Variants in THSD7A observed in about 807,000 individuals in gnomAD.
THSD7A encodes thrombospondin type 1 domain containing 7A.
In THSD7A, 96 loss-of-function variants were observed where a neutral mutation model predicts 231.3. The observed-to-expected ratio is 0.41, with a 90% CI of 0.35 to 0.49. The LOEUF (loss-of-function observed/expected upper bound fraction) is 0.49. Ranked by LOEUF, THSD7A falls within the 20% of genes least tolerant of loss-of-function variation. THSD7A has a pLI of 0.05. For missense variants in THSD7A, 2,290 were observed against 2,070.2 expected (o/e 1.11, Z -2.06); for synonymous variants, 940 against 743.3 (o/e 1.26, Z -4.30).
intron 6 of THSD7A, among the ~76,000 whole-genome samples, chr7:11,484,873 A>AGTTTTT (rs1786584239): frequency 2.6e-5 from 1 of 38,330 alleles, no homozygotes; most frequent in African/African-American, 9.9e-5. Flanking sequence ...TCACAACCTT[A>AGTTTTT]ATTTTTTTTT....
intron 6 of THSD7A, among the ~76,000 whole-genome samples, chr7:11,499,203 T>C (rs1282124075): frequency 6.6e-6 from 1 of 152,202 alleles, no homozygotes; most frequent in Admixed American, 6.5e-5. Flanking sequence ...ACACCCTTCA[T>C]GGCTTGTCAC....
chr7:11,401,690 G>T, intron 23 of THSD7A, 105 bp downstream of exon 23: 1 of 1,067,234 alleles, frequency 9.4e-7, no homozygotes, highest in East Asian at 2.8e-5. Flanking sequence ...GGGATTACAG[G>T]CGTGAGCCAC....
chr7:11,613,293 A>C (rs34655410), intron 2 of THSD7A, among the ~76,000 whole-genome samples: 1 of 152,120 alleles, frequency 6.6e-6, no homozygotes, highest in East Asian at 1.9e-4. Flanking sequence ...AGCATACACA[A>C]CATTTAAGTG....
chr7:11,448,954 T>G (rs1785059825), intron 11 of THSD7A, among the ~76,000 whole-genome samples: 1 of 152,020 alleles, frequency 6.6e-6, no homozygotes. Flanking sequence ...TTGATGAAGG[T>G]TAGATGACAG....
At chr7:11,417,425 T>G (rs1200344160) in intron 17 of THSD7A, 25 bp downstream of exon 17, 1 of 1,549,558 alleles carries the variant, frequency 6.5e-7, no homozygotes, top group African/African-American at 1.4e-5. Context: ...AAACTCTACA[T>G]TAATAAAAAG....
intron 6 of THSD7A, among the ~76,000 whole-genome samples, chr7:11,492,159 C>G (rs1377677891): frequency 6.6e-6 from 1 of 151,964 alleles, no homozygotes; most frequent in Non-Finnish European, 1.5e-5. Flanking sequence ...ATTTTCTATC[C>G]TCTATTTGCA....
intron 1 of THSD7A, among the ~76,000 whole-genome samples, chr7:11,682,732 T>C (rs2128139430): frequency 6.6e-6 from 1 of 152,164 alleles, no homozygotes; most frequent in Admixed American, 6.6e-5. Flanking sequence ...ATCCTGGTCT[T>C]AAATTTGACA....
intron 19 of THSD7A, among the ~76,000 whole-genome samples, chr7:11,410,279 T>C (rs1273080267): frequency 6.6e-6 from 1 of 152,164 alleles, no homozygotes; most frequent in Non-Finnish European, 1.5e-5. Context: ...GTCCACATGA[T>C]AAACATATCA....
chr7:11,541,770 C>A, intron 5 of THSD7A, 139 bp from the exon 6 acceptor site: 1 of 728,698 alleles, frequency 1.4e-6, no homozygotes. Flanking sequence ...GGTGTATCCC[C>A]AAACTGTAGC....
At chr7:11,612,243 C>T (rs1350319341) in intron 2 of THSD7A, among the ~76,000 whole-genome samples, 1 of 152,132 alleles carries the variant, frequency 6.6e-6, no homozygotes, top group Non-Finnish European at 1.5e-5. Context: ...ATGCTGCAGG[C>T]ATCCCAGGGC....
At chr7:11,792,044 G>A (rs187708305) in intron 1 of THSD7A, among the ~76,000 whole-genome samples, 131 of 151,954 alleles carry the variant, frequency 8.6e-4, no homozygotes, top group Non-Finnish European at 1.6e-3. Context: ...GTTATTCTCT[G>A]TATATTTCCC....
At chr7:11,625,638 C>T (rs1781451955) in intron 2 of THSD7A, among the ~76,000 whole-genome samples, 1 of 151,890 alleles carries the variant, frequency 6.6e-6, no homozygotes, top group Non-Finnish European at 1.5e-5. Flanking sequence ...TAAGATAAAA[C>T]ACATGGAATT....
chr7:11,619,910 A>T (rs1311760746), intron 2 of THSD7A, among the ~76,000 whole-genome samples: 1 of 152,192 alleles, frequency 6.6e-6, no homozygotes, highest in African/African-American at 2.4e-5. Context: ...TTTCTTAAAA[A>T]TTCCTGATAA....
rs879530914 is a variant in THSD7A at position 11,372,981 on chromosome 7, T to TAACA, written c.*2809_*2812dup. The TAACA allele has an allele frequency of 1.3e-5, 2 of 151,966 alleles. No individual in the cohort carries two copies. The highest frequency in any genetic ancestry group is 2.1e-4 in the South Asian group (1 of 4,816). 9.4% of individuals were successfully genotyped at this position (151,966 alleles called of 1,614,324 possible). A position where few individuals can be genotyped will look rare whatever the true frequency, so the allele number is the denominator to read the frequency against. On this transcript the variant is annotated 3_prime_UTR_variant, in exon 28 of 28. Coordinates refer to ENST00000423059, the MANE Select transcript of THSD7A (RefSeq NM_015204.3). ...GAGGTTATCCAGTATTTATTTATCC[T>TAACA]AACAAACAGTGACCTTCCAATATGT...
intron 6 of THSD7A, among the ~76,000 whole-genome samples, chr7:11,526,184 A>G (rs1249302577): frequency 6.6e-6 from 1 of 152,108 alleles, no homozygotes; most frequent in African/African-American, 2.4e-5. Flanking sequence ...ATCCACAAAG[A>G]TTCATCTCCT....
chr7:11,523,315 C>A (rs1278060212), intron 6 of THSD7A, among the ~76,000 whole-genome samples: 1 of 152,002 alleles, frequency 6.6e-6, no homozygotes, highest in Middle Eastern at 3.2e-3. Flanking sequence ...ATGAGAGACA[C>A]AGGCACTAGA....
chr7:11,557,086 G>T (rs900418655), intron 4 of THSD7A, among the ~76,000 whole-genome samples: 7 of 151,678 alleles, frequency 4.6e-5, no homozygotes, highest in Admixed American at 2.0e-4. Flanking sequence ...TCTTCTTCTG[G>T]AATTCCAATG....
chr7:11,771,367 T>C (rs912496246), intron 1 of THSD7A, among the ~76,000 whole-genome samples: 1 of 151,994 alleles, frequency 6.6e-6, no homozygotes, highest in Non-Finnish European at 1.5e-5. Flanking sequence ...CCATTGATGT[T>C]ATAAATACAG....
chr7:11,678,584 T>C (rs952943521), intron 1 of THSD7A, among the ~76,000 whole-genome samples: 4 of 151,948 alleles, frequency 2.6e-5, no homozygotes, highest in Non-Finnish European at 4.4e-5. Context: ...TGCAAATGAA[T>C]TAGAAAATCT....
Sources: gnomAD v4.1 joint callset for allele counts (sites outside exome capture counted in the v4.1 genomes callset) on GRCh38, gnomAD v4.1.1 for gene constraint, MANE v1.5 for transcripts, NCBI Gene and HGNC (gene_info 2026-07-23, HGNC 2026-07-21) for gene names.